PRKG1: variants seen among roughly 807,000 people sequenced by gnomAD.
PRKG1 encodes cGMP-dependent protein kinase 1.
In PRKG1, 35 loss-of-function variants were observed where a neutral mutation model predicts 88.1. The ratio of observed to expected loss-of-function variants is 0.40; its 90% CI spans 0.30 to 0.53. The LOEUF (loss-of-function observed/expected upper bound fraction) is 0.53, where lower values mean the gene tolerates loss of function less well. PRKG1 is among the 20% of genes least tolerant of loss of function. The pLI is 0.59. For synonymous variants in PRKG1, 303 were observed against 292.5 expected, an observed-to-expected ratio of 1.04 and a Z score of -0.37; for missense variants, 540 against 839.8, an observed-to-expected ratio of 0.64 and a Z score of 4.41.
At chr10:51,097,844 C>T (rs1224666306) in intron 1 of PRKG1, among the ~76,000 whole-genome samples, 7 of 152,118 alleles carry the variant, frequency 4.6e-5, no homozygotes, top group Admixed American at 4.6e-4. Flanking sequence ...ATTTTTATCT[C>T]TCAACTTTCA....
chr10:51,162,671 A>G (rs1846395309), intron 2 of PRKG1, among the ~76,000 whole-genome samples: 1 of 152,298 alleles, frequency 6.6e-6, no homozygotes, highest in African/African-American at 2.4e-5. Flanking sequence ...AAACACCCAT[A>G]AGTTATTCAT....
At chr10:51,915,112 T>C (rs189411684) in intron 5 of PRKG1, among the ~76,000 whole-genome samples, 61 of 152,336 alleles carry the variant, frequency 4.0e-4, no homozygotes, top group African/African-American at 1.3e-3. Context: ...CAGCTGTTCC[T>C]CAGTTTTACT....
intron 10 of PRKG1, among the ~76,000 whole-genome samples, chr10:52,270,904 T>A (rs1191336848): frequency 6.6e-6 from 1 of 151,406 alleles, no homozygotes; most frequent in African/African-American, 2.4e-5. Flanking sequence ...ATAAAAAAAA[T>A]TAGAAATGTT....
At chr10:51,269,191 A>T (rs964985677) in intron 2 of PRKG1, among the ~76,000 whole-genome samples, 6 of 152,352 alleles carry the variant, frequency 3.9e-5, no homozygotes, top group African/African-American at 1.4e-4. Context: ...CTTCTGTAAG[A>T]GTGGCAACAA....
At chr10:51,002,675 T>A (rs1842901532) in intron 1 of PRKG1, among the ~76,000 whole-genome samples, 1 of 152,202 alleles carries the variant, frequency 6.6e-6, no homozygotes, top group Admixed American at 6.5e-5. Flanking sequence ...ACCCCTTTCA[T>A]GTGAAACCTC....
At chr10:51,575,339 A>C (rs544862949) in intron 3 of PRKG1, among the ~76,000 whole-genome samples, 72 of 152,096 alleles carry the variant, frequency 4.7e-4, no homozygotes, top group African/African-American at 1.6e-3. Flanking sequence ...TAAGACCAAC[A>C]CCACACTGCA....
chr10:51,793,896 G>A (rs1838938159), intron 3 of PRKG1, among the ~76,000 whole-genome samples: 1 of 151,992 alleles, frequency 6.6e-6, no homozygotes, highest in South Asian at 2.1e-4. Flanking sequence ...CAAGCAGGTG[G>A]GATTACAGGC....
At position 51,538,394 on chromosome 10, in the gene PRKG1, CAT is replaced by C. The variant is rs550125614; in HGVS notation, c.592+70566_592+70567del. On this transcript the variant is annotated intron_variant, in intron 3 of 17. Coordinates refer to ENST00000373980, the MANE Select transcript of PRKG1 (RefSeq NM_006258.4). The stretch of plus-strand genomic sequence containing the variant: ...ATATGATATACATTATTATACATAT[CAT>C]ATATATACATATACATATAATATAT... Among the ~76,000 whole-genome samples, 666 of 144,244 alleles carry C rather than the reference CAT, an allele frequency of 4.6e-3. 3 individuals are homozygous for C. The highest frequency in any genetic ancestry group is 0.016 in the African/African-American group (632 of 39,848). The allele number at this position is 144,244 out of a possible 152,430, so 94.6% of individuals were successfully genotyped here. A position where few individuals can be genotyped will look rare whatever the true frequency, so the allele number is the denominator to read the frequency against.
intron 2 of PRKG1, among the ~76,000 whole-genome samples, chr10:51,243,121 GT>G (rs1839197836): frequency 1.3e-5 from 2 of 152,116 alleles, no homozygotes; most frequent in African/African-American, 4.8e-5. Flanking sequence ...AGGCTTTTTG[GT>G]GGGGGATTGT....
chr10:52,075,423 T>C (rs1260686254), intron 7 of PRKG1, among the ~76,000 whole-genome samples: 1 of 152,230 alleles, frequency 6.6e-6, no homozygotes, highest in Non-Finnish European at 1.5e-5. Context: ...CTAGAATTTA[T>C]ATGGACCTAA....
At chr10:51,480,864 G>A (rs151191418) in intron 3 of PRKG1, among the ~76,000 whole-genome samples, 10 of 152,156 alleles carry the variant, frequency 6.6e-5, no homozygotes, top group South Asian at 4.1e-4. Flanking sequence ...CAGAAGATAC[G>A]TTAAGAAATA....
chr10:51,153,154 C>A lies in PRKG1; in HGVS notation c.312-10C>A. 1 of 1,607,752 alleles carries A rather than the reference C, an allele frequency of 6.2e-7. No individual in the cohort carries two copies. The highest frequency in any genetic ancestry group is 1.1e-5 in the South Asian group (1 of 90,268). On this transcript the variant is annotated splice_polypyrimidine_tract_variant and intron_variant, in intron 1 of 17. Transcript: ENST00000373980. ...AGATGTGCCAGTAAATCTTCCCTCT[C>A]TTGCCATAGGTCCAAGGATCTTATA...
intron 3 of PRKG1, among the ~76,000 whole-genome samples, chr10:51,653,455 G>A (rs993432316): frequency 6.6e-6 from 1 of 152,068 alleles, no homozygotes; most frequent in Non-Finnish European, 1.5e-5. Context: ...TTTCCCTGAT[G>A]ATTAATGATA....
At chr10:51,650,097 T>C (rs1840003775) in intron 3 of PRKG1, among the ~76,000 whole-genome samples, 1 of 152,118 alleles carries the variant, frequency 6.6e-6, no homozygotes, top group South Asian at 2.1e-4. Flanking sequence ...TGAACTGGAA[T>C]AGACCAACAA....
chr10:51,997,088 CA>C (rs58329629), intron 5 of PRKG1, among the ~76,000 whole-genome samples: 136,569 of 152,088 alleles, frequency 0.9, 61,458 homozygotes, highest in East Asian at 1. Context: ...AAATAGAGAG[CA>C]AGAATGTTGA....
intron 3 of PRKG1, among the ~76,000 whole-genome samples, chr10:51,800,086 T>G (rs1839127196): frequency 6.6e-6 from 1 of 152,088 alleles, no homozygotes; most frequent in East Asian, 1.9e-4. Context: ...TAGGAGGGTA[T>G]AAAAATAGCC....
chr10:51,568,253 G>A (rs950950923), intron 3 of PRKG1, among the ~76,000 whole-genome samples: 25 of 152,030 alleles, frequency 1.6e-4, no homozygotes, highest in Middle Eastern at 3.4e-3. Context: ...CAGATTTTTC[G>A]GATTCAAATG....
intron 4 of PRKG1, among the ~76,000 whole-genome samples, chr10:51,851,800 C>T (rs1313918670): frequency 6.6e-6 from 1 of 152,134 alleles, no homozygotes; most frequent in Non-Finnish European, 1.5e-5. Context: ...CACTCACGTA[C>T]ATTTTGCTAC....
intron 1 of PRKG1, among the ~76,000 whole-genome samples, chr10:51,060,331 A>G (rs1843679173): frequency 6.6e-6 from 1 of 151,994 alleles, no homozygotes; most frequent in African/African-American, 2.4e-5. Context: ...TTGATCTATC[A>G]CTGTACTGTT....
Sources: allele counts gnomAD v4.1 joint callset (sites outside exome capture counted in the v4.1 genomes callset), GRCh38; gene constraint gnomAD v4.1.1; transcripts MANE v1.5; gene names NCBI Gene and HGNC (gene_info 2026-07-23, HGNC 2026-07-21).